The following SVOPL variants were observed in gnomAD, a reference collection of about 807,000 sequenced individuals.
The protein encoded by SVOPL is SVOP like, also known as putative transporter SVOPL.
Under a neutral mutation model 61.0 loss-of-function variants are expected in SVOPL, and 60 were observed. The ratio of observed to expected loss-of-function variants is 0.98; its 90% confidence interval spans 0.80 to 1.22. The LOEUF (loss-of-function observed/expected upper bound fraction) is 1.22. Among genes scored for constraint, SVOPL ranks in the 50% most tolerant of loss-of-function variants. The pLI is 0.00. For synonymous variants in SVOPL, 279 were observed against 250.0 expected (o/e 1.12, Z -1.09); for missense variants, 662 against 643.9 (o/e 1.03, Z -0.30).
At chr7:138,689,170 A>C in intron 1 of SVOPL, 4 of 1,026,258 alleles carry the variant, frequency 3.9e-6, no homozygotes, top group Non-Finnish European at 6.2e-6. Flanking sequence ...CGATGTTACA[A>C]TGGTGGAGTG....
chr7:138,605,102 T>A (rs531389759), intron 14 of SVOPL, among the ~76,000 whole-genome samples: 2 of 140,616 alleles, frequency 1.4e-5, no homozygotes, highest in African/African-American at 2.7e-5. Context: ...GTAGAGGAAA[T>A]GAAAAGAACC....
At chr7:138,683,303 T>C (rs115500374) in intron 1 of SVOPL, among the ~76,000 whole-genome samples, 3,903 of 152,260 alleles carry the variant, frequency 0.026, 93 homozygotes, top group South Asian at 0.092. Flanking sequence ...AGAAGATTAT[T>C]ATCTACTACT....
At chr7:138,660,347 T>C (rs1165988488) in intron 5 of SVOPL, 5 of 1,003,100 alleles carry the variant, frequency 5.0e-6, no homozygotes, top group Non-Finnish European at 5.9e-6. Flanking sequence ...AAGGAGAACA[T>C]TTAAGGTATT....
At chr7:138,636,992 G>A (rs181427268) in intron 9 of SVOPL, among the ~76,000 whole-genome samples, 1 of 152,104 alleles carries the variant, frequency 6.6e-6, no homozygotes, top group East Asian at 1.9e-4. Context: ...ACCAATAACA[G>A]ACCTGTCTAT....
At chr7:138,641,671 CAAAAAAA>C (rs34649341) in intron 9 of SVOPL, among the ~76,000 whole-genome samples, 1 of 101,386 alleles carries the variant, frequency 9.9e-6, no homozygotes, top group South Asian at 3.4e-4. Flanking sequence ...AACTCCATCT[CAAAAAAA>C]AAAAAAAAAA....
At position 138,649,153 on chromosome 7, in the gene SVOPL, T is replaced by C; in HGVS notation, c.535-16A>G. 1 of 1,582,698 alleles carries C rather than the reference T, an allele frequency of 6.3e-7. No individual in the cohort carries two copies. Among genetic ancestry groups the C allele is most frequent in the Non-Finnish European group, 8.6e-7 (1 of 1,166,082 alleles). Reference sequence around the variant, plus strand: ...GCCAGAACACCTAGGAAGAGAGAAGTCCAGGATTAAAGTTCTTTGGGGAAT... The same window carrying C: ...GCCAGAACACCTAGGAAGAGAGAAGCCCAGGATTAAAGTTCTTTGGGGAAT... On this transcript the variant is annotated splice_polypyrimidine_tract_variant and intron_variant, in intron 7 of 15. Coordinates refer to ENST00000674285, the MANE Select transcript of SVOPL (RefSeq NM_001139456.2).
chr7:138,642,869 A>G (rs1800893750), intron 9 of SVOPL, among the ~76,000 whole-genome samples: 1 of 151,466 alleles, frequency 6.6e-6, no homozygotes, highest in Admixed American at 6.6e-5. Flanking sequence ...AAAATTTTTA[A>G]TAATAATATA....
intron 13 of SVOPL, among the ~76,000 whole-genome samples, chr7:138,622,306 C>CTATG (rs1799704283): frequency 7.7e-6 from 1 of 129,402 alleles, no homozygotes; most frequent in Admixed American, 7.8e-5. Flanking sequence ...ATCTATCTAT[C>CTATG]TATCTATCGA....
chr7:138,674,562 G>GT (rs1039111242), intron 3 of SVOPL, among the ~76,000 whole-genome samples: 2 of 151,648 alleles, frequency 1.3e-5, no homozygotes, highest in African/African-American at 4.8e-5. Flanking sequence ...TCCCACGACT[G>GT]TAAGACACTT....
chr7:138,679,059 C>G lies in SVOPL; in HGVS notation c.-14G>C. On this transcript the variant is annotated 5_prime_UTR_variant, in exon 2 of 16. Transcript: ENST00000674285. ...CTTGGTTGCCATCTTCTAAATAGCT[C>G]AAGTTCCCCAAACAGCTTCCCTGGT... 1.3e-6 allele frequency: 2 copies of G among 1,550,230 alleles called. No homozygotes were observed. The highest frequency in any genetic ancestry group is 1.7e-6 in the Non-Finnish European group (2 of 1,146,090).
chr7:138,653,193 C>T (rs1044217177), intron 7 of SVOPL, among the ~76,000 whole-genome samples: 2 of 152,106 alleles, frequency 1.3e-5, no homozygotes, highest in Non-Finnish European at 2.9e-5. Flanking sequence ...ACGCTGTCTC[C>T]GTAACATAGA....
intron 7 of SVOPL, among the ~76,000 whole-genome samples, chr7:138,649,460 ATT>A (rs536294396): frequency 6.6e-6 from 1 of 151,148 alleles, no homozygotes; most frequent in South Asian, 2.1e-4. Context: ...CGCCCAGCTC[ATT>A]TTTTTTGTAT....
chr7:138,625,584 A>T (rs535272738), intron 13 of SVOPL, among the ~76,000 whole-genome samples: 110 of 152,378 alleles, frequency 7.2e-4, no homozygotes, highest in African/African-American at 2.6e-3. Context: ...AGCAAATAAC[A>T]GATGGAAGGA....
chr7:138,606,814 C>T (rs1283517000), intron 14 of SVOPL, among the ~76,000 whole-genome samples: 6 of 152,032 alleles, frequency 3.9e-5, no homozygotes, highest in South Asian at 2.1e-4. Context: ...ATGAGCCGGG[C>T]GTGGTGGCGC....
At chr7:138,694,824 C>T (rs374399941) in intron 1 of SVOPL, among the ~76,000 whole-genome samples, 118 of 151,498 alleles carry the variant, frequency 7.8e-4, no homozygotes, top group African/African-American at 2.5e-3. Context: ...CTGCAACCTC[C>T]GCCTCCTGGG....
At chr7:138,617,885 C>T (rs953384598) in intron 14 of SVOPL, among the ~76,000 whole-genome samples, 1 of 152,104 alleles carries the variant, frequency 6.6e-6, no homozygotes, top group African/African-American at 2.4e-5. Flanking sequence ...TCTACACAAT[C>T]GGCATCTGTG....
chr7:138,627,864 G>C (rs1478991645), intron 11 of SVOPL, among the ~76,000 whole-genome samples: 1 of 151,980 alleles, frequency 6.6e-6, no homozygotes, highest in Non-Finnish European at 1.5e-5. Context: ...AAATAATGCT[G>C]TCAATTGCTA....
At chr7:138,605,483 G>A (rs57072133) in intron 14 of SVOPL, among the ~76,000 whole-genome samples, 36,649 of 151,688 alleles carry the variant, frequency 0.24, 4,931 homozygotes, top group East Asian at 0.36. Flanking sequence ...CCAACACAGC[G>A]AAACCCGGTC....
At chr7:138,700,199 T>G (rs1029903409) in intron 1 of SVOPL, among the ~76,000 whole-genome samples, 4 of 152,026 alleles carry the variant, frequency 2.6e-5, no homozygotes, top group Non-Finnish European at 4.4e-5. Flanking sequence ...AAAAGCTACA[T>G]GAAGAAAGAA....
Sources: allele counts gnomAD v4.1 joint callset (sites outside exome capture counted in the v4.1 genomes callset), GRCh38; gene constraint gnomAD v4.1.1; transcripts MANE v1.5; gene names NCBI Gene and HGNC (gene_info 2026-07-23, HGNC 2026-07-21).